ADGRL4: variants seen among roughly 807,000 people sequenced by gnomAD.
ADGRL4 encodes adhesion G protein-coupled receptor L4.
In ADGRL4, 90 loss-of-function variants were observed where a neutral mutation model predicts 74.8. That is an observed-to-expected ratio of 1.20 (90% confidence interval 1.02 to 1.43). ADGRL4 has a LOEUF of 1.43. Ranked by LOEUF, ADGRL4 falls within the 40% of genes most tolerant of loss-of-function variation. The probability of loss-of-function intolerance (pLI) is 0.00; values close to 1 mark genes in which losing one functional copy is unlikely to be tolerated. For synonymous variants in ADGRL4, 311 were observed against 279.2 expected, an observed-to-expected ratio of 1.11 and a Z score of -1.14; for missense variants, 881 against 814.3, an observed-to-expected ratio of 1.08 and a Z score of -1.00.
intron 2 of ADGRL4, among the ~76,000 whole-genome samples, chr1:78,984,548 T>C (rs2100728883): frequency 6.6e-6 from 1 of 151,808 alleles, no homozygotes; most frequent in South Asian, 2.1e-4. Flanking sequence ...GCACAAAATG[T>C]AGTGTATGCA....
intron 2 of ADGRL4, among the ~76,000 whole-genome samples, chr1:78,960,096 C>A (rs1649919053): frequency 6.6e-6 from 1 of 152,214 alleles, no homozygotes; most frequent in African/African-American, 2.4e-5. Flanking sequence ...TGAATCTCAT[C>A]CCTCATTGCT....
chr1:78,953,428 T>C (rs1357042303), intron 2 of ADGRL4, among the ~76,000 whole-genome samples: 4 of 152,174 alleles, frequency 2.6e-5, no homozygotes, highest in Non-Finnish European at 4.4e-5. Context: ...AAAAAAAAGC[T>C]GCTAGTTCAC....
intron 3 of ADGRL4, among the ~76,000 whole-genome samples, chr1:78,945,436 T>C (rs1649581785): frequency 6.6e-6 from 1 of 151,944 alleles, no homozygotes; most frequent in Admixed American, 6.6e-5. Flanking sequence ...ATAAGTTGAA[T>C]ATTTTTTAGA....
rs144262914 is a variant in ADGRL4 at position 78,991,336 on chromosome 1, T to C, written c.172+13734A>G. On this transcript the variant is annotated intron_variant, in intron 2 of 14. Coordinates refer to ENST00000370742, the MANE Select transcript of ADGRL4 (RefSeq NM_022159.4). ...GGTTAATCAAGCCCCAAAAACCTCA[T>C]GGGAAGTACATATTTTGGCGTTCTT... 3.3e-4 allele frequency among the ~76,000 whole-genome samples: 50 copies of C among 152,148 alleles called. No individual in the cohort carries two copies. In the East Asian group the frequency reaches 8.9e-3, roughly 27 times the overall value.
intron 2 of ADGRL4, among the ~76,000 whole-genome samples, chr1:78,954,868 T>A (rs776816054): frequency 3.3e-5 from 5 of 152,156 alleles, no homozygotes; most frequent in Non-Finnish European, 7.4e-5. Flanking sequence ...TTTTCCTTTT[T>A]ATGAATCTGA....
chr1:78,922,363 C>T (rs1649018624), intron 8 of ADGRL4, among the ~76,000 whole-genome samples: 1 of 151,938 alleles, frequency 6.6e-6, no homozygotes, highest in Non-Finnish European at 1.5e-5. Context: ...AATGGACAAG[C>T]TCTGAAGTGA....
chr1:78,948,037 G>A (rs1433401447), intron 2 of ADGRL4, among the ~76,000 whole-genome samples: 4 of 152,210 alleles, frequency 2.6e-5, no homozygotes, highest in South Asian at 2.1e-4. Context: ...TTTAACTGAT[G>A]AGAAAAATAG....
rs79345071 is a variant in ADGRL4, at chr1:78,995,944, T to A, written c.172+9126A>T. Among the ~76,000 whole-genome samples, 315 of 152,314 alleles carry A rather than the reference T, an allele frequency of 2.1e-3. 4 individuals carry two copies. Among genetic ancestry groups the A allele is most frequent in the African/African-American group, 7.1e-3 (297 of 41,582 alleles). ...AGGATACCAGGGGGATTTCAATTTG[T>A]AACGATGGGTTTTGGTTGTTGGAGC... On this transcript the variant is annotated intron_variant, in intron 2 of 14. Coordinates refer to ENST00000370742, the MANE Select transcript of ADGRL4 (RefSeq NM_022159.4).
intron 2 of ADGRL4, 76 bp from the exon 3 acceptor site, chr1:78,946,502 G>T: frequency 8.0e-7 from 1 of 1,252,556 alleles, no homozygotes; most frequent in South Asian, 1.5e-5. Context: ...CAGTATTTTG[G>T]AATATTGACT....
In ADGRL4 at chr1:78,946,293, A is replaced by C. The variant is rs1443150032; in HGVS notation, c.306T>G (p.Asn102Lys). The C allele has an allele frequency of 6.2e-7, 1 of 1,612,214 alleles. No homozygotes were observed. Among genetic ancestry groups the C allele is most frequent in the Admixed American group, 1.7e-5 (1 of 59,750 alleles). ...SSSNQDRFIT[N>K]DGTVCIENVN... is the part of the protein sequence containing the mutation. The stretch of plus-strand genomic sequence containing the variant: ...ACTTACCTATACAGACGGTTCCATC[A>C]TTAGTGATAAACCTGTCTTGGTTAC... The change falls in exon 3 of 15, where the codon AAT becomes AAG. Residue 102 changes from asparagine to lysine, a missense_variant. Coordinates refer to ENST00000370742, the MANE Select transcript of ADGRL4 (RefSeq NM_022159.4).
At chr1:78,953,965 T>C (rs1396314788) in intron 2 of ADGRL4, among the ~76,000 whole-genome samples, 2 of 152,078 alleles carry the variant, frequency 1.3e-5, no homozygotes, top group African/African-American at 4.8e-5. Context: ...CTGGCCAACA[T>C]GGTGAAACCT....
intron 2 of ADGRL4, among the ~76,000 whole-genome samples, chr1:78,971,586 T>A (rs1650168629): frequency 6.6e-6 from 1 of 152,160 alleles, no homozygotes; most frequent in Non-Finnish European, 1.5e-5. Context: ...TTCCCTTTAT[T>A]CCATTATTCT....
intron 9 of ADGRL4, 131 bp downstream of exon 9, chr1:78,921,482 T>G: frequency 2.1e-6 from 1 of 468,472 alleles, no homozygotes; most frequent in Non-Finnish European, 3.6e-6. Context: ...CTGTTGGGGT[T>G]TTATCTCTTA....
intron 7 of ADGRL4, among the ~76,000 whole-genome samples, chr1:78,929,479 G>T (rs1195940851): frequency 6.6e-6 from 1 of 151,424 alleles, no homozygotes; most frequent in African/African-American, 2.5e-5. Flanking sequence ...TCATGTCACT[G>T]TACTTTAGCC....
chr1:78,994,996 T>G (rs1325448366), intron 2 of ADGRL4, among the ~76,000 whole-genome samples: 1 of 152,224 alleles, frequency 6.6e-6, no homozygotes, highest in Non-Finnish European at 1.5e-5. Context: ...TCAGTTTCAC[T>G]ATATACCATT....
intron 7 of ADGRL4, among the ~76,000 whole-genome samples, chr1:78,933,877 T>C (rs780201192): frequency 6.6e-6 from 1 of 152,044 alleles, no homozygotes; most frequent in African/African-American, 2.4e-5. Flanking sequence ...TAACAAGGGA[T>C]GTGAAGGACC....
At chr1:78,902,140 A>G (rs1648533641) in intron 12 of ADGRL4, among the ~76,000 whole-genome samples, 1 of 152,140 alleles carries the variant, frequency 6.6e-6, no homozygotes, top group African/African-American at 2.4e-5. Context: ...TTCTTCTACC[A>G]GGCATTGACT....
intron 2 of ADGRL4, among the ~76,000 whole-genome samples, chr1:78,965,719 C>A (rs1650042351): frequency 6.6e-6 from 1 of 152,132 alleles, no homozygotes; most frequent in Admixed American, 6.5e-5. Context: ...AGTAAATTAA[C>A]TCTGTCATTT....
At chr1:78,907,741 G>A (rs550299601) in intron 12 of ADGRL4, among the ~76,000 whole-genome samples, 2 of 151,956 alleles carry the variant, frequency 1.3e-5, no homozygotes, top group Admixed American at 1.3e-4. Context: ...CAGAGGTGCT[G>A]AGATGGGAAG....
Sources: gnomAD v4.1 joint callset for allele counts (sites outside exome capture counted in the v4.1 genomes callset) on GRCh38, gnomAD v4.1.1 for gene constraint, MANE v1.5 for transcripts, NCBI Gene and HGNC (gene_info 2026-07-23, HGNC 2026-07-21) for gene names.